RIMKLB: variants seen among roughly 807,000 people sequenced by gnomAD.
RIMKLB encodes the protein ribosomal modification protein rimK like family member B.
Under a neutral mutation model 32.0 loss-of-function variants are expected in RIMKLB, and 7 were observed. The ratio of observed to expected loss-of-function variants is 0.22; its 90% confidence interval spans 0.12 to 0.41. The LOEUF (loss-of-function observed/expected upper bound fraction) is 0.41, where lower values mean the gene tolerates loss of function less well. Among genes scored for constraint, RIMKLB ranks in the 10% least tolerant of loss-of-function variants. The pLI, the probability that RIMKLB is intolerant of heterozygous loss-of-function variation, is 1.00. For missense variants in RIMKLB, 289 were observed against 498.7 expected, an observed-to-expected ratio of 0.58 and a Z score of 4.00; for synonymous variants, 172 against 185.1, an observed-to-expected ratio of 0.93 and a Z score of 0.57.
At chr12:8,707,579 T>A (rs1351469207) in intron 1 of RIMKLB, among the ~76,000 whole-genome samples, 4 of 152,192 alleles carry the variant, frequency 2.6e-5, no homozygotes, top group Non-Finnish European at 5.9e-5. Context: ...CCACTGGTGA[T>A]CAACTTGACT....
chr12:8,774,946 A>T lies in RIMKLB; in HGVS notation c.*1162A>T, dbSNP rs757039877. The T allele has an allele frequency of 9.6e-5, 95 of 985,708 alleles. No individual in the cohort carries two copies. The highest frequency in any genetic ancestry group is 1.0e-4 in the Non-Finnish European group (85 of 829,894). 61.1% of individuals were successfully genotyped at this position (985,708 alleles called of 1,614,324 possible). A position where few individuals can be genotyped will look rare whatever the true frequency, so the allele number is the denominator to read the frequency against. On this transcript the variant is annotated 3_prime_UTR_variant, in exon 6 of 6. Coordinates refer to ENST00000535829, the MANE Select transcript of RIMKLB (RefSeq NM_001297776.2). ...TTTCCATCAACTAATCAAAAAGGATAATTTAGAAAATGGAGCATGATGGGA... is the reference window on the plus strand; with the variant it reads ...TTTCCATCAACTAATCAAAAAGGATTATTTAGAAAATGGAGCATGATGGGA...
chr12:8,699,767 T>C (rs983956733), intron 1 of RIMKLB: 1 of 152,286 alleles, frequency 6.6e-6, no homozygotes, highest in Non-Finnish European at 1.5e-5. Context: ...CTCTCTTGTC[T>C]TCTCTTACCC....
chr12:8,782,171 T>G (rs1464427658), downstream of RIMKLB, among the ~76,000 whole-genome samples: 1 of 148,978 alleles, frequency 6.7e-6, no homozygotes, highest in African/African-American at 2.6e-5. Context: ...TCAAAAATTG[T>G]TTTTTTCTGT....
chr12:8,754,086 C>T lies in RIMKLB; in HGVS notation c.690C>T (p.Cys230=), dbSNP rs1312184241. 2.3e-5 allele frequency: 37 copies of T among 1,609,694 alleles called. No individual in the cohort carries two copies. Among genetic ancestry groups the T allele is most frequent in the Non-Finnish European group, 3.1e-5 (36 of 1,176,100 alleles). The change falls in exon 5 of 6, where the codon TGC becomes TGT. Residue 230 remains cysteine, a synonymous_variant. Coordinates refer to ENST00000535829, the MANE Select transcript of RIMKLB (RefSeq NM_001297776.2). The stretch of plus-strand genomic sequence containing the variant: ...CAGATGGGAGAATGCAAAGCAACTG[C>T]TCATTAGGTAAAAATAATGCAATTA... The part of the protein sequence containing the change: ...CSTDGRMQSN[C]SLGGVGMMCS...
At chr12:8,765,450 T>TGGC (rs1026449540) in intron 5 of RIMKLB, among the ~76,000 whole-genome samples, 2 of 152,192 alleles carry the variant, frequency 1.3e-5, no homozygotes, top group African/African-American at 4.8e-5. Context: ...GCTGCAGTTA[T>TGGC]GGCGGCCCTT....
chr12:8,694,453 T>C (rs867860563), upstream of RIMKLB, among the ~76,000 whole-genome samples: 1 of 139,596 alleles, frequency 7.2e-6, no homozygotes, highest in South Asian at 2.4e-4. Flanking sequence ...TGGAGTGCAC[T>C]GGCCCAATGT....
At position 8,775,747 on chromosome 12, in the gene RIMKLB, A is replaced by ATAG; in HGVS notation, c.*1964_*1966dup. ...TGAGTGAAAGGTTGATTGTTGATGAATAGAATAGTACCTCTCATCTGTGCA... is the reference window on the plus strand; with the variant it reads ...TGAGTGAAAGGTTGATTGTTGATGAATAGTAGAATAGTACCTCTCATCTGTGCA... On this transcript the variant is annotated 3_prime_UTR_variant, in exon 6 of 6. Coordinates refer to ENST00000535829, the MANE Select transcript of RIMKLB (RefSeq NM_001297776.2). 1.0e-6 allele frequency: 1 copy of ATAG among 985,358 alleles called. No individual in the cohort carries two copies. The highest frequency in any genetic ancestry group is 1.2e-6 in the Non-Finnish European group (1 of 829,508). The allele number at this position is 985,358 out of a possible 1,614,324, so 61.0% of individuals were successfully genotyped here. A position where few individuals can be genotyped will look rare whatever the true frequency, so the allele number is the denominator to read the frequency against.
At chr12:8,720,561 A>C (rs1056445365) in intron 2 of RIMKLB, among the ~76,000 whole-genome samples, 1 of 152,150 alleles carries the variant, frequency 6.6e-6, no homozygotes, top group Non-Finnish European at 1.5e-5. Flanking sequence ...TGTGTGTGCG[A>C]CACGGAGTTT....
At chr12:8,719,118 G>A (rs1362933161) in intron 2 of RIMKLB, among the ~76,000 whole-genome samples, 1 of 152,004 alleles carries the variant, frequency 6.6e-6, no homozygotes, top group Admixed American at 6.6e-5. Context: ...TGTCTCCACA[G>A]TTTTGCCTTT....
In RIMKLB at chr12:8,700,853, G is replaced by T. The variant is rs563568216; in HGVS notation, c.-57+2556G>T. Among the ~76,000 whole-genome samples, 158 of 152,242 alleles carry T rather than the reference G, an allele frequency of 1.0e-3. 1 individual carries two copies. The highest frequency in any genetic ancestry group is 4.0e-4 in the Non-Finnish European group (27 of 68,024). ...GGATGAGGCAAGCTGATCACTTGAG[G>T]TCAGGAGTTTGAAACCAGCCTGGCC... On this transcript the variant is annotated intron_variant, in intron 1 of 5. Transcript: ENST00000535829.
At chr12:8,722,347 C>G (rs773121103) in intron 2 of RIMKLB, among the ~76,000 whole-genome samples, 3 of 151,968 alleles carry the variant, frequency 2.0e-5, no homozygotes, top group Non-Finnish European at 4.4e-5. Flanking sequence ...GGTGCATCAT[C>G]AGTGAGTAGT....
chr12:8,747,928 G>C (rs1012819304), intron 2 of RIMKLB, among the ~76,000 whole-genome samples: 1 of 151,938 alleles, frequency 6.6e-6, no homozygotes, highest in Non-Finnish European at 1.5e-5. Flanking sequence ...GCTAATTTTT[G>C]TATTTTTAGT....
Position 8,750,092 on chromosome 12 carries a change from GGT to G in RIMKLB, c.406+2_406+3del, listed in dbSNP as rs1948488590. On this transcript the variant is annotated splice_donor_variant, in intron 3 of 5. Coordinates refer to ENST00000535829, the MANE Select transcript of RIMKLB (RefSeq NM_001297776.2). LOFTEE classifies it high-confidence loss of function. ...TCCTCTGCCGGATACTTTCTCTTAT[GGT>G]GAGCCTACTAAAGAGCATACATAGC... 1 of 1,588,554 alleles carries G rather than the reference GGT, an allele frequency of 6.3e-7. No individual in the cohort carries two copies. Among genetic ancestry groups the G allele is most frequent in the African/African-American group, 1.3e-5 (1 of 74,476 alleles).
At chr12:8,675,300 C>T in the RIMKLB span, among the ~76,000 whole-genome samples, 2 of 152,198 alleles carry the variant, frequency 1.3e-5, no homozygotes, top group African/African-American at 2.4e-5. Flanking sequence ...AATGTCCCCT[C>T]CTCTTGACAT....
intron 2 of RIMKLB, among the ~76,000 whole-genome samples, chr12:8,721,116 T>C (rs1945402348): frequency 6.6e-6 from 1 of 152,194 alleles, no homozygotes; most frequent in Non-Finnish European, 1.5e-5. Flanking sequence ...GAAGATCTCT[T>C]TATAGGCACA....
chr12:8,765,147 A>T (rs61368791), intron 5 of RIMKLB, among the ~76,000 whole-genome samples: 4,976 of 151,856 alleles, frequency 0.033, 274 homozygotes, highest in African/African-American at 0.11. Context: ...GACAGGGAGG[A>T]ATGCTTCCTC....
At chr12:8,698,715 C>CCCCCCGCCGCCCCTCA (rs11275581) in intron 1 of RIMKLB, among the ~76,000 whole-genome samples, 1 of 151,412 alleles carries the variant, frequency 6.6e-6, no homozygotes, top group African/African-American at 2.4e-5. Flanking sequence ...CCTCCCCCCC[C>CCCCCCGCCGCCCCTCA]TTCCCACAAA....
chr12:8,759,509 T>C lies in RIMKLB; in HGVS notation c.697+5416T>C, dbSNP rs554964441. Among the ~76,000 whole-genome samples the C allele has an allele frequency of 5.3e-5, 8 of 152,354 alleles. No individual in the cohort carries two copies. The South Asian group carries it at 1.4e-3, about 28-fold the overall frequency. The stretch of plus-strand genomic sequence containing the variant: ...GCTATCTTATGGCTATTTTAATTTG[T>C]ATTTTTCTCACCATGAACGATGAGA... On this transcript the variant is annotated intron_variant, in intron 5 of 5. Coordinates refer to ENST00000535829, the MANE Select transcript of RIMKLB (RefSeq NM_001297776.2).
At chr12:8,736,608 C>T (rs1947031913) in intron 2 of RIMKLB, among the ~76,000 whole-genome samples, 1 of 150,564 alleles carries the variant, frequency 6.6e-6, no homozygotes, top group East Asian at 1.9e-4. Flanking sequence ...GTTGACCTCC[C>T]TGGGTAGGAG....
Sources: allele counts gnomAD v4.1 joint callset (sites outside exome capture counted in the v4.1 genomes callset), GRCh38; gene constraint gnomAD v4.1.1; transcripts MANE v1.5; gene names NCBI Gene and HGNC (gene_info 2026-07-23, HGNC 2026-07-21).